Variants in SLC12A5 observed in about 807,000 individuals in gnomAD.
The protein encoded by SLC12A5 is K-Cl cotransporter 2.
Under a neutral mutation model 124.0 loss-of-function variants are expected in SLC12A5, and 18 were observed. That is an observed-to-expected ratio of 0.15 (90% CI 0.10 to 0.22). The LOEUF is 0.22. Among genes scored for constraint, SLC12A5 ranks in the 10% least tolerant of loss-of-function variants. SLC12A5 has a pLI of 1.00. For missense variants in SLC12A5, 867 were observed against 1,478.7 expected, an observed-to-expected ratio of 0.59 and a Z score of 6.78; for synonymous variants, 589 against 568.0, an observed-to-expected ratio of 1.04 and a Z score of -0.53.
chr20:46,057,992 T>C lies in SLC12A5; in HGVS notation c.*387T>C, dbSNP rs1171917753. 2.7e-5 allele frequency: 5 copies of C among 186,280 alleles called. No individual in the cohort carries two copies. The highest frequency in any genetic ancestry group is 1.9e-4 in the Admixed American group (3 of 16,006). The allele number at this position is 186,280 out of a possible 1,614,324, so 11.5% of individuals were successfully genotyped here. A position where few individuals can be genotyped will look rare whatever the true frequency, so the allele number is the denominator to read the frequency against. On this transcript the variant is annotated 3_prime_UTR_variant, in exon 26 of 26. Transcript: ENST00000243964. The surrounding 1 kb of genome is among the most constrained non-coding windows in gnomAD (Gnocchi z 7.1). Reference sequence around the variant, plus strand: ...TTCCCACTCCCGCCGCGGTCCTCGCTCTGCGCTCCTCCGGCGCTGCTCCCT... The same window carrying C: ...TTCCCACTCCCGCCGCGGTCCTCGCCCTGCGCTCCTCCGGCGCTGCTCCCT...
chr20:46,023,114 A>G lies in SLC12A5; in HGVS notation c.190+43A>G. The G allele has an allele frequency of 7.5e-6, 3 of 399,138 alleles. No individual in the cohort carries two copies. The East Asian group carries it at 1.1e-4, about 14-fold the overall frequency. 24.7% of individuals were successfully genotyped at this position (399,138 alleles called of 1,614,324 possible). On this transcript the variant is annotated intron_variant, in intron 2 of 2. Transcript: ENST00000413737. ...CAAACCCAAGCGCCGAAACCCCTAG[A>G]GTAACCCTTAGGGGGTTATCTGGCG...
intron 6 of SLC12A5, among the ~76,000 whole-genome samples, chr20:46,040,152 G>A (rs2084532724): frequency 6.6e-6 from 1 of 152,178 alleles, no homozygotes; most frequent in Admixed American, 6.5e-5. Flanking sequence ...ACAGGTGTGA[G>A]CCACCATGCC....
upstream of SLC12A5, chr20:46,028,983 C>G: frequency 2.7e-6 from 1 of 374,536 alleles, no homozygotes; most frequent in Non-Finnish European, 4.1e-6. Context: ...CGAAGCACCC[C>G]CTTCATCCCA....
At chr20:46,025,635 G>A (rs1171350965), upstream of SLC12A5, among the ~76,000 whole-genome samples, 1 of 152,178 alleles carries the variant, frequency 6.6e-6, no homozygotes, top group East Asian at 1.9e-4. Context: ...GGGGCTGTTG[G>A]GGTGCTGTTG....
intron 18 of SLC12A5, 80 bp downstream of exon 18, chr20:46,051,950 T>C: frequency 1.6e-6 from 2 of 1,244,322 alleles, no homozygotes; most frequent in African/African-American, 1.5e-5. Flanking sequence ...TCCGCTCCTT[T>C]GGGCCTGAGG....
rs2084691606 is a variant in SLC12A5 at position 46,056,248 on chromosome 20, C to A, written c.2886C>A (p.Asp962Glu). 1.2e-6 allele frequency: 2 copies of A among 1,614,034 alleles called. No individual in the cohort carries two copies. Among genetic ancestry groups the A allele is most frequent in the African/African-American group, 2.7e-5 (2 of 74,928 alleles). Residue 962 changes from aspartate (D) to glutamate (E), a missense_variant, in exon 22 of 26, where the codon GAC becomes GAA. Asp to Glu is a conservative substitution (Grantham distance 45). Coordinates refer to ENST00000243964, the MANE Select transcript of SLC12A5 (RefSeq NM_020708.5). This position sits in a 1 kb window ranked among gnomAD's most constrained non-coding sequence, Gnocchi z 4.3. ...ACGTCCCAGAAGAGACGGCTGGTGA[C>A]AGTGAAGAGAAGCCAGAGGAGGAGG... is the stretch of plus-strand genomic sequence containing the variant. ...RLNVPEETAG[D>E]SEEKPEEEVQ...
chr20:46,047,189 G>T (rs2084603273), intron 14 of SLC12A5, among the ~76,000 whole-genome samples: 1 of 152,232 alleles, frequency 6.6e-6, no homozygotes, highest in Non-Finnish European at 1.5e-5. Flanking sequence ...GTCTGGCAGG[G>T]TCTGAGGAAC....
chr20:46,037,202 T>A, intron 5 of SLC12A5, 53 bp from the exon 6 acceptor site: 1 of 1,546,554 alleles, frequency 6.5e-7, no homozygotes, highest in Non-Finnish European at 8.7e-7. Flanking sequence ...CCTCACCCCT[T>A]ACGGCAGCCC....
At chr20:46,043,127 C>G in intron 8 of SLC12A5, 26 bp from the exon 9 acceptor site, 1 of 1,610,570 alleles carries the variant, frequency 6.2e-7, no homozygotes, top group Non-Finnish European at 8.5e-7. Context: ...GGCTGGCCTC[C>G]CCCTGAGCAT....
rs537162276 is a variant in SLC12A5, at chr20:46,040,230, G to A, written c.613-143G>A. 19 of 1,248,166 alleles carry A rather than the reference G, an allele frequency of 1.5e-5. No homozygotes were observed. In the African/African-American group the frequency reaches 2.7e-4, roughly 18 times the overall value. The allele number at this position is 1,248,166 out of a possible 1,614,324, so 77.3% of individuals were successfully genotyped here. A position where few individuals can be genotyped will look rare whatever the true frequency, so the allele number is the denominator to read the frequency against. The stretch of plus-strand genomic sequence containing the variant: ...TGCAGGACAGGCCATGCCTTCTTTA[G>A]CGATTCTCCTATTACTGGATGTCTT... On this transcript the variant is annotated intron_variant, in intron 6 of 25. Coordinates refer to ENST00000243964, the MANE Select transcript of SLC12A5 (RefSeq NM_020708.5).
Position 46,056,463 on chromosome 20 carries a change from G to A in SLC12A5, c.3009G>A (p.Lys1003=), listed in dbSNP as rs779047599. 1.2e-6 allele frequency: 2 copies of A among 1,614,182 alleles called. No individual in the cohort carries two copies. The highest frequency in any genetic ancestry group is 1.7e-6 in the Non-Finnish European group (2 of 1,180,012). The change falls in exon 23 of 26, where the codon AAG becomes AAA. Residue 1003 remains lysine (K), a synonymous_variant. Transcript: ENST00000243964. The surrounding 1 kb of genome is among the most constrained non-coding windows in gnomAD (Gnocchi z 4.3). ...GGGAAGGGGAGACAGATCCGGAGAA[G>A]GTGCATCTCACCTGGACCAAGGACA... ...PEGEGETDPE[K]VHLTWTKDKS... is the part of the protein sequence containing the mutation.
At chr20:46,043,080 C>T (rs1274100325) in intron 8 of SLC12A5, 73 bp from the exon 9 acceptor site, 4 of 1,512,502 alleles carry the variant, frequency 2.6e-6, no homozygotes, top group Non-Finnish European at 3.6e-6. Context: ...TTTTTGCCCC[C>T]TCCCACCTCC....
At chr20:46,047,908 G>A (rs924002438) in intron 15 of SLC12A5, 73 bp from the exon 16 acceptor site, 15 of 1,378,116 alleles carry the variant, frequency 1.1e-5, no homozygotes, top group Non-Finnish European at 1.3e-5. Flanking sequence ...TGGGGTAGCT[G>A]GTGCAGTGTA....
chr20:46,029,138 C>G, upstream of SLC12A5: 4 of 1,394,102 alleles, frequency 2.9e-6, no homozygotes, highest in Non-Finnish European at 3.7e-6. Flanking sequence ...AGGTGAGCAG[C>G]GCCGCTGCTG....
At position 46,048,051 on chromosome 20, in the gene SLC12A5, C is replaced by T. The variant is rs776844610; in HGVS notation, c.1978C>T (p.Leu660=). The change falls in exon 16 of 26, where the codon CTG becomes TTG. Residue 660 remains leucine (L), a synonymous_variant. Coordinates refer to ENST00000243964, the MANE Select transcript of SLC12A5 (RefSeq NM_020708.5). ...TGCGGCTCGCTATGCCCTCTTACGC[C>T]TGGAGGAAGGGCCCCCACACACCAA... ...LSAARYALLR[L]EEGPPHTKNW... The T allele has an allele frequency of 3.7e-6, 6 of 1,612,752 alleles. No individual in the cohort carries two copies. The Admixed American group carries it at 1.0e-4, about 27-fold the overall frequency.
chr20:46,056,020 G>A lies in SLC12A5; in HGVS notation c.2788-130G>A. On this transcript the variant is annotated intron_variant, in intron 21 of 25. Coordinates refer to ENST00000243964, the MANE Select transcript of SLC12A5 (RefSeq NM_020708.5). The surrounding 1 kb of genome is among the most constrained non-coding windows in gnomAD (Gnocchi z 4.3). ...AGTAGCTATTTGGTCTCAAATCATA[G>A]CAATATTTTAACAACTGGTACAGTT... 4.6e-6 allele frequency: 6 copies of A among 1,312,678 alleles called. No homozygotes were observed. Among genetic ancestry groups the A allele is most frequent in the Non-Finnish European group, 6.2e-6 (6 of 962,308 alleles). 81.3% of individuals were successfully genotyped at this position (1,312,678 alleles called of 1,614,324 possible). A position where few individuals can be genotyped will look rare whatever the true frequency, so the allele number is the denominator to read the frequency against.
chr20:46,059,758 C>T lies in SLC12A5; in HGVS notation c.*2153C>T, dbSNP rs1600610448. 1 of 398,182 alleles carries T rather than the reference C, an allele frequency of 2.5e-6. No homozygotes were observed. The highest frequency in any genetic ancestry group is 4.4e-6 in the Non-Finnish European group (1 of 225,742). The allele number at this position is 398,182 out of a possible 1,614,324, so 24.7% of individuals were successfully genotyped here. ...ATCACTGTAGTTAGATGTTTCATGT[C>T]CATTCAAGTGACTTTTATTCTGAGT... is the stretch of plus-strand genomic sequence containing the variant. On this transcript the variant is annotated 3_prime_UTR_variant, in exon 26 of 26. Transcript: ENST00000243964.
rs1348832061 is a variant in SLC12A5, at chr20:46,059,086, G to A, written c.*1481G>A. 8.2e-6 allele frequency: 2 copies of A among 244,694 alleles called. No homozygotes were observed. The highest frequency in any genetic ancestry group is 1.5e-5 in the Non-Finnish European group (2 of 129,430). 15.2% of individuals were successfully genotyped at this position (244,694 alleles called of 1,614,324 possible). A position where few individuals can be genotyped will look rare whatever the true frequency, so the allele number is the denominator to read the frequency against. On this transcript the variant is annotated 3_prime_UTR_variant, in exon 26 of 26. Transcript: ENST00000243964. ...GTGCTCTGTCCTTAGAGAAGGCGCG[G>A]TGGCCGGGTTCCCTTCCCCTAGGGC...
chr20:46,040,756 ATC>A (rs1253346304), intron 7 of SLC12A5, 142 bp downstream of exon 7: 3 of 1,322,086 alleles, frequency 2.3e-6, no homozygotes, highest in East Asian at 5.0e-5. Flanking sequence ...GGGAGGGAAA[ATC>A]TCTCTTAGTT....
Sources: allele counts gnomAD v4.1 joint callset (sites outside exome capture counted in the v4.1 genomes callset), GRCh38; gene constraint gnomAD v4.1.1; non-coding constraint Gnocchi (gnomAD v3.1); transcripts MANE v1.5; gene names NCBI Gene and HGNC (gene_info 2026-07-23, HGNC 2026-07-21).